The following FAM153A variants were observed in gnomAD, a reference collection of about 807,000 sequenced individuals.
FAM153A encodes protein FAM153A.
A neutral mutation model predicts 48.1 loss-of-function variants in FAM153A; 12 were observed. The ratio of observed to expected loss-of-function variants is 0.25; its 90% CI spans 0.16 to 0.40. The LOEUF is 0.40. FAM153A is among the 10% of genes least tolerant of loss of function. The pLI, the probability that FAM153A is intolerant of heterozygous loss-of-function variation, is 1.00. For synonymous variants in FAM153A, 36 were observed against 118.2 expected, an observed-to-expected ratio of 0.30 and a Z score of 4.51; for missense variants, 111 against 345.8, an observed-to-expected ratio of 0.32 and a Z score of 5.38.
intron 25 of FAM153A, among the ~76,000 whole-genome samples, chr5:177,715,831 G>A (rs1696855): frequency 6.2e-4 from 94 of 151,672 alleles, no homozygotes; most frequent in Middle Eastern, 3.4e-3. Context: ...AGCCTCCTGC[G>A]CAGCTAATTT....
chr5:177,705,658 C>CTTTTTTTTTT (rs70994931), downstream of FAM153A, among the ~76,000 whole-genome samples: 1 of 79,820 alleles, frequency 1.3e-5, no homozygotes, highest in African/African-American at 4.0e-5. Context: ...TTTTCTTTTT[C>CTTTTTTTTTT]TTTTTTTTTT....
chr5:177,752,504 C>T (rs1223092233), intron 1 of FAM153A, among the ~76,000 whole-genome samples: 1 of 143,044 alleles, frequency 7.0e-6, no homozygotes. Context: ...ACCCGTAGTC[C>T]CAGCTACTTG....
chr5:177,701,826 C>T, the FAM153A span, among the ~76,000 whole-genome samples: 1 of 151,594 alleles, frequency 6.6e-6, no homozygotes, highest in East Asian at 1.9e-4. Context: ...GATCAAAATG[C>T]CAGTAGTGAT....
chr5:177,712,997 T>A (rs1021022152), exon 27 of FAM153A: 1 of 151,936 alleles, frequency 6.6e-6, no homozygotes, highest in Non-Finnish European at 1.5e-5. Flanking sequence ...TCTTTGACAC[T>A]GTGCTCTACC....
chr5:177,709,173 C>T (rs1289115853), downstream of FAM153A, among the ~76,000 whole-genome samples: 1 of 142,266 alleles, frequency 7.0e-6, no homozygotes, highest in Non-Finnish European at 1.5e-5. Flanking sequence ...GCATCTCACA[C>T]CCAGGACATT....
intron 1 of FAM153A, among the ~76,000 whole-genome samples, chr5:177,758,973 A>G (rs1253749933): frequency 6.6e-6 from 1 of 151,844 alleles, no homozygotes; most frequent in Non-Finnish European, 1.5e-5. Flanking sequence ...AAATTAACAA[A>G]TGGGATCTAA....
exon 26 of FAM153A, chr5:177,713,846 C>T (rs1442060785): frequency 6.6e-6 from 1 of 151,930 alleles, no homozygotes; most frequent in East Asian, 1.9e-4. Context: ...GACTCCATCG[C>T]CCGAGGAGCA....
upstream of FAM153A, among the ~76,000 whole-genome samples, chr5:177,757,954 C>T (rs13161926): frequency 2.5e-3 from 370 of 149,620 alleles, no homozygotes; most frequent in Non-Finnish European, 3.7e-3. Flanking sequence ...TCCTCTTCAA[C>T]ATAGTGTTGG....
the FAM153A span, among the ~76,000 whole-genome samples, chr5:177,697,311 C>G: frequency 3.3e-5 from 5 of 151,676 alleles, no homozygotes; most frequent in African/African-American, 1.2e-4. Flanking sequence ...GTTTTGTGAC[C>G]TTGCTGGAAT....
rs1272832744 is a variant in FAM153A at position 177,766,042 on chromosome 5, G to A, written c.-57+14407C>T. ...TGAGGCAGGAGAATCGCTTGAACTC[G>A]GGCGGCAGAGGTTGCATTGAGCCAA... On this transcript the variant is annotated intron_variant, in intron 1 of 8. Transcript: ENST00000393518. Among the ~76,000 whole-genome samples the A allele has an allele frequency of 5.5e-5, 6 of 108,742 alleles. No individual in the cohort carries two copies. The South Asian group carries it at 2.0e-3, about 36-fold the overall frequency. The allele number at this position is 108,742 out of a possible 152,430, so 71.3% of individuals were successfully genotyped here.
downstream of FAM153A, among the ~76,000 whole-genome samples, chr5:177,710,398 C>T (rs1582121076): frequency 6.6e-6 from 1 of 151,754 alleles, no homozygotes; most frequent in South Asian, 2.1e-4. Flanking sequence ...AGGAATGAGC[C>T]ACTGCATCTG....
intron 25 of FAM153A, among the ~76,000 whole-genome samples, chr5:177,715,228 T>C (rs1759438439): frequency 6.6e-6 from 1 of 151,810 alleles, no homozygotes; most frequent in Admixed American, 6.6e-5. Context: ...GTGATCCGTC[T>C]GCCTCAGCCT....
chr5:177,736,659 T>C (rs1487651198), intron 11 of FAM153A, 50 bp from the exon 14 acceptor site: 2 of 1,591,304 alleles, frequency 1.3e-6, no homozygotes, highest in Non-Finnish European at 1.7e-6. Flanking sequence ...GTGTCCTGTG[T>C]GCACAGGTCT....
chr5:177,705,640 ATTTTTC>A (rs1320330951), downstream of FAM153A, among the ~76,000 whole-genome samples: 15,869 of 102,238 alleles, frequency 0.16, 2,076 homozygotes, highest in Non-Finnish European at 0.19. Flanking sequence ...ACTAGAAAAC[ATTTTTC>A]TTTTTCTTTT....
At chr5:177,697,363 T>C in the FAM153A span, among the ~76,000 whole-genome samples, 8 of 151,842 alleles carry the variant, frequency 5.3e-5, no homozygotes, top group African/African-American at 1.9e-4. Flanking sequence ...GGTTTTGCTG[T>C]CAGTGCTGGT....
chr5:177,703,655 G>A (rs537996431), downstream of FAM153A, among the ~76,000 whole-genome samples: 38 of 131,980 alleles, frequency 2.9e-4, no homozygotes, highest in Middle Eastern at 0.011. Flanking sequence ...GTTTGAGGTC[G>A]GGCATGGTGG....
At chr5:177,708,312 A>T (rs1196181992), downstream of FAM153A, among the ~76,000 whole-genome samples, 6 of 141,480 alleles carry the variant, frequency 4.2e-5, no homozygotes, top group Non-Finnish European at 9.2e-5. Context: ...ATGGTGGCTC[A>T]TGCCTGTAAT....
chr5:177,762,421 T>C (rs2127712886), intron 1 of FAM153A, among the ~76,000 whole-genome samples: 1 of 144,594 alleles, frequency 6.9e-6, no homozygotes, highest in African/African-American at 2.5e-5. Context: ...GCAGTGACAG[T>C]ATCAGATGTG....
downstream of FAM153A, among the ~76,000 whole-genome samples, chr5:177,707,438 G>GA (rs1352192645): frequency 5.3e-5 from 8 of 150,980 alleles, no homozygotes; most frequent in Admixed American, 1.3e-4. Flanking sequence ...ACATTTCTTG[G>GA]AAAAAAAAGG....
Sources: allele counts gnomAD v4.1 joint callset (sites outside exome capture counted in the v4.1 genomes callset), GRCh38; gene constraint gnomAD v4.1.1; transcripts MANE v1.5; gene names NCBI Gene and HGNC (gene_info 2026-07-23, HGNC 2026-07-21).